TAOK1: variants seen among roughly 807,000 people sequenced by gnomAD.
TAOK1 encodes serine/threonine-protein kinase TAO1.
TAOK1 carries 21 observed loss-of-function variants against 138.3 expected under a neutral mutation model. The observed-to-expected ratio is 0.15, with a 90% confidence interval of 0.11 to 0.22. TAOK1 has a LOEUF of 0.22. TAOK1 is among the 10% of genes least tolerant of loss of function. The probability of loss-of-function intolerance (pLI) is 1.00; values close to 1 mark genes in which losing one functional copy is unlikely to be tolerated. For missense variants in TAOK1, 651 were observed against 1,227.7 expected (o/e 0.53, Z 7.02); for synonymous variants, 361 against 398.4 (o/e 0.91, Z 1.12).
At chr17:29,428,920 A>G (rs1905736495) in intron 1 of TAOK1, among the ~76,000 whole-genome samples, 1 of 152,112 alleles carries the variant, frequency 6.6e-6, no homozygotes, top group Non-Finnish European at 1.5e-5. Flanking sequence ...GGTGTGAGCC[A>G]CTGCGCCCAC....
At chr17:29,488,576 A>AAAT (rs150004739) in intron 8 of TAOK1, among the ~76,000 whole-genome samples, 22,841 of 145,368 alleles carry the variant, frequency 0.16, 2,043 homozygotes, top group East Asian at 0.37. Flanking sequence ...ACATCTCAAA[A>AAAT]AATAATAATA....
intron 8 of TAOK1, 68 bp from the exon 9 acceptor site, chr17:29,489,595 GA>G: frequency 1.0e-6 from 1 of 976,868 alleles, no homozygotes; most frequent in Non-Finnish European, 1.5e-6. Flanking sequence ...AAAAAAAAAG[GA>G]AAAACGTGCC....
chr17:29,453,126 C>T (rs576349151), intron 2 of TAOK1, among the ~76,000 whole-genome samples: 3 of 150,942 alleles, frequency 2.0e-5, no homozygotes, highest in East Asian at 1.9e-4. Context: ...AAAAAGAAAT[C>T]GTACAATATT....
chr17:29,391,523 A>C (rs1002614477), intron 1 of TAOK1, among the ~76,000 whole-genome samples: 5 of 152,174 alleles, frequency 3.3e-5, no homozygotes, highest in Admixed American at 2.0e-4. Flanking sequence ...CCCATCCTCT[A>C]GTCTACTGCA....
intron 1 of TAOK1, among the ~76,000 whole-genome samples, chr17:29,412,023 T>TCC (rs908144676): frequency 2.0e-5 from 3 of 151,314 alleles, no homozygotes; most frequent in African/African-American, 7.3e-5. Flanking sequence ...CTTCCTTCCT[T>TCC]CCTCTCTCTC....
chr17:29,542,511 A>T, intron 19 of TAOK1, 50 bp from the exon 20 acceptor site: 1 of 1,474,142 alleles, frequency 6.8e-7, no homozygotes, highest in Non-Finnish European at 9.1e-7. Context: ...CTTTCTTTAT[A>T]GACTTAAAAA....
intron 1 of TAOK1, among the ~76,000 whole-genome samples, 167 bp downstream of exon 1, chr17:29,391,191 C>T (rs1283670119): frequency 6.6e-6 from 1 of 152,106 alleles, no homozygotes; most frequent in Non-Finnish European, 1.5e-5. Flanking sequence ...AGCTGGGCGC[C>T]CTCCGGTTTT....
chr17:29,412,408 C>T (rs1297735056), intron 1 of TAOK1, among the ~76,000 whole-genome samples: 2 of 142,888 alleles, frequency 1.4e-5, no homozygotes, highest in African/African-American at 5.3e-5. Flanking sequence ...TCTTTTAGTG[C>T]CCTTTTGGTC....
At chr17:29,479,033 G>A (rs561593630) in intron 6 of TAOK1, among the ~76,000 whole-genome samples, 12 of 152,090 alleles carry the variant, frequency 7.9e-5, no homozygotes, top group African/African-American at 2.9e-4. Flanking sequence ...GCTGAGAGAA[G>A]AGAATCACTT....
At chr17:29,485,678 A>G (rs1286857460) in intron 8 of TAOK1, among the ~76,000 whole-genome samples, 3 of 152,224 alleles carry the variant, frequency 2.0e-5, no homozygotes, top group African/African-American at 7.2e-5. Flanking sequence ...ACAGGAAACA[A>G]AAGTACACAT....
At chr17:29,463,373 C>T (rs938386250) in intron 2 of TAOK1, among the ~76,000 whole-genome samples, 6 of 152,016 alleles carry the variant, frequency 3.9e-5, no homozygotes, top group Non-Finnish European at 7.4e-5. Flanking sequence ...AGTTTGAGAC[C>T]AGCCTGGCCA....
At chr17:29,505,354 T>A (rs1308190437) in intron 13 of TAOK1, among the ~76,000 whole-genome samples, 3 of 152,112 alleles carry the variant, frequency 2.0e-5, no homozygotes, top group Non-Finnish European at 4.4e-5. Flanking sequence ...TGTGAGGGAT[T>A]GGTTCCAGGA....
At chr17:29,442,305 CA>C (rs2029963728) in intron 1 of TAOK1, among the ~76,000 whole-genome samples, 1 of 151,920 alleles carries the variant, frequency 6.6e-6, no homozygotes, top group Admixed American at 6.6e-5. Flanking sequence ...CTAGGCCTCC[CA>C]AAGTGCTGGG....
chr17:29,443,988 AC>A (rs2030012165), intron 1 of TAOK1, among the ~76,000 whole-genome samples: 1 of 151,986 alleles, frequency 6.6e-6, no homozygotes, highest in Admixed American at 6.6e-5. Flanking sequence ...GGTGGCACAC[AC>A]CTGTAATCCC....
In TAOK1 at chr17:29,510,936, A is replaced by G. The variant is rs762708177; in HGVS notation, c.1648A>G (p.Ser550Gly). 1 of 1,611,582 alleles carries G rather than the reference A, an allele frequency of 6.2e-7. No individual in the cohort carries two copies. Among genetic ancestry groups the G allele is most frequent in the Non-Finnish European group, 8.5e-7 (1 of 1,178,918 alleles). ...GGCCCAACAGAAGAAAGAACTGAAT[A>G]GTTTTCTCGAGTCCCAGAAAAGAGA... Reference protein sequence around the residue: ...IQAQQKKELNSFLESQKREYK... With the variant: ...IQAQQKKELNGFLESQKREYK... Residue 550 changes from serine to glycine, a missense_variant, in exon 15 of 20, where the codon AGT becomes GGT. Ser to Gly is a moderately conservative substitution (Grantham distance 56). Coordinates refer to ENST00000261716, the MANE Select transcript of TAOK1 (RefSeq NM_020791.4).
chr17:29,457,089 C>CTTTTTTTTTTTTT (rs548221652), intron 2 of TAOK1, among the ~76,000 whole-genome samples: 18 of 107,404 alleles, frequency 1.7e-4, no homozygotes, highest in Non-Finnish European at 2.8e-4. Flanking sequence ...TTTTCTTTTT[C>CTTTTTTTTTTTTT]TTTTTTTTTT....
At chr17:29,401,418 A>G (rs906348565) in intron 1 of TAOK1, among the ~76,000 whole-genome samples, 3 of 152,084 alleles carry the variant, frequency 2.0e-5, no homozygotes, top group Non-Finnish European at 2.9e-5. Context: ...TTGGCAGGAG[A>G]GAGAGGGAGA....
At chr17:29,502,419 G>C (rs1037395035) in intron 12 of TAOK1, among the ~76,000 whole-genome samples, 170 bp from the exon 13 acceptor site, 5 of 152,192 alleles carry the variant, frequency 3.3e-5, no homozygotes, top group Non-Finnish European at 7.3e-5. Context: ...GACACAGTGA[G>C]ACCCTGTTTC....
chr17:29,507,862 TTTC>T lies in TAOK1; in HGVS notation c.1339-28_1339-26del. ...TGCTTTTCGAAGAAGAATGTTTTAT[TTTC>T]TTCTTTTCCTTACATTATTTGTATG... On this transcript the variant is annotated intron_variant, in intron 13 of 19. Transcript: ENST00000261716. The T allele has an allele frequency of 3.2e-6, 5 of 1,574,612 alleles. No individual in the cohort carries two copies. The South Asian group carries it at 4.6e-5, about 14-fold the overall frequency.
Sources: allele counts gnomAD v4.1 joint callset (sites outside exome capture counted in the v4.1 genomes callset), GRCh38; gene constraint gnomAD v4.1.1; transcripts MANE v1.5; gene names NCBI Gene and HGNC (gene_info 2026-07-23, HGNC 2026-07-21).